Variants in KDM4B observed in about 807,000 individuals in gnomAD.
KDM4B encodes lysine demethylase 4B, also known as lysine-specific demethylase 4B.
KDM4B carries 32 observed loss-of-function variants against 125.2 expected under a neutral mutation model. The ratio of observed to expected loss-of-function variants is 0.26; its 90% CI spans 0.19 to 0.34. KDM4B has a LOEUF of 0.34. Ranked by LOEUF, KDM4B falls within the 10% of genes least tolerant of loss-of-function variation. KDM4B has a pLI of 1.00. For synonymous variants in KDM4B, 721 were observed against 677.9 expected, an observed-to-expected ratio of 1.06 and a Z score of -0.99; for missense variants, 1,190 against 1,577.7, an observed-to-expected ratio of 0.75 and a Z score of 4.16.
At position 4,997,667 on chromosome 19, in the gene KDM4B, G is replaced by C. The variant is rs1054120804; in HGVS notation, c.-108-18590G>C. On this transcript the variant is annotated intron_variant, in intron 1 of 22. Coordinates refer to ENST00000159111, the MANE Select transcript of KDM4B (RefSeq NM_015015.3). The surrounding 1 kb of genome is among the most constrained non-coding windows in gnomAD (Gnocchi z 4.2). ...GCTGGTCAGCCATGCCAGGCACTCA[G>C]AGTCATCCCTGCCTCCTCGAGTTGG... 1.3e-5 allele frequency among the ~76,000 whole-genome samples: 2 copies of C among 152,162 alleles called. No homozygotes were observed. Among genetic ancestry groups the C allele is most frequent in the African/African-American group, 4.8e-5 (2 of 41,428 alleles).
chr19:5,091,250 C>T lies in KDM4B; in HGVS notation c.918+8746C>T, dbSNP rs1277237485. Among the ~76,000 whole-genome samples, 5 of 152,298 alleles carry T rather than the reference C, an allele frequency of 3.3e-5. 1 individual carries two copies. Among genetic ancestry groups the T allele is most frequent in the Non-Finnish European group, 2.9e-5 (2 of 68,028 alleles). ...AGCGGCATCCCGAAACACCCTGCCA[C>T]GGGGAGAGTTGACTGAGGATTAAAC... On this transcript the variant is annotated intron_variant, in intron 9 of 22. Coordinates refer to ENST00000159111, the MANE Select transcript of KDM4B (RefSeq NM_015015.3).
In KDM4B at chr19:5,043,800, C is replaced by T. The variant is rs150635209; in HGVS notation, c.432+2549C>T. On this transcript the variant is annotated intron_variant, in intron 5 of 22. Transcript: ENST00000159111. ...TCGGAGTGGGGTGTCCACCTTATCC[C>T]GCGTGGTGTTTATCAGAGTGGGGTG... Among the ~76,000 whole-genome samples, 968 of 115,658 alleles carry T rather than the reference C, an allele frequency of 8.4e-3. 8 individuals carry two copies. The highest frequency in any genetic ancestry group is 0.051 in the Middle Eastern group (6 of 118). 75.9% of individuals were successfully genotyped at this position (115,658 alleles called of 152,430 possible). A position where few individuals can be genotyped will look rare whatever the true frequency, so the allele number is the denominator to read the frequency against.
chr19:4,969,254 G>A (rs1207990211), intron 1 of KDM4B, 24 bp downstream of exon 1: 1 of 147,366 alleles, frequency 6.8e-6, no homozygotes, highest in Non-Finnish European at 1.5e-5. Flanking sequence ...GAGGCCGCCC[G>A]GCCGTGTCCG....
At chr19:5,065,150 C>A (rs1021327084) in intron 6 of KDM4B, among the ~76,000 whole-genome samples, 5 of 152,226 alleles carry the variant, frequency 3.3e-5, no homozygotes, top group African/African-American at 4.8e-5. Flanking sequence ...ACAGGAGGGG[C>A]CACAGCGCCT....
intron 17 of KDM4B, 43 bp downstream of exon 17, chr19:5,137,719 C>T (rs1240457357): frequency 1.2e-5 from 18 of 1,531,948 alleles, no homozygotes; most frequent in Non-Finnish European, 1.6e-5. Context: ...CGGAGGGGAG[C>T]CTGCCCTGGG....
chr19:5,025,750 G>T (rs138826984), intron 2 of KDM4B, among the ~76,000 whole-genome samples: 1 of 152,212 alleles, frequency 6.6e-6, no homozygotes, highest in Non-Finnish European at 1.5e-5. Flanking sequence ...GCCCTGGACC[G>T]CCCAGAACTT....
chr19:5,113,291 A>G (rs1281788842), intron 10 of KDM4B: 2 of 151,882 alleles, frequency 1.3e-5, no homozygotes, highest in African/African-American at 2.4e-5. Context: ...TCCCAAGGAT[A>G]TAATTTTCTT....
chr19:5,111,930 C>T lies in KDM4B; in HGVS notation c.1115+1112C>T, dbSNP rs564316680. The stretch of plus-strand genomic sequence containing the variant: ...CATGATTTTTACATGCTACCAAATA[C>T]GATAATTTTTCTGTTTTGAGCCACT... On this transcript the variant is annotated intron_variant, in intron 10 of 22. Transcript: ENST00000159111. The T allele has an allele frequency of 1.8e-4, 126 of 706,146 alleles. 1 individual carries two copies. Among genetic ancestry groups the T allele is most frequent in the African/African-American group, 4.5e-4 (26 of 57,402 alleles). 43.7% of individuals were successfully genotyped at this position (706,146 alleles called of 1,614,324 possible).
At position 5,039,893 on chromosome 19, in the gene KDM4B, G is replaced by A. The variant is rs928022517; in HGVS notation, c.199G>A (p.Val67Met). 6.8e-6 allele frequency: 11 copies of A among 1,613,010 alleles called. No homozygotes were observed. The highest frequency in any genetic ancestry group is 9.3e-6 in the Non-Finnish European group (11 of 1,179,920). The change falls in exon 4 of 23, where the codon GTG (valine) becomes ATG (methionine). Residue 67 changes from valine (V) to methionine (M), a missense_variant. Physicochemically the swap from Val to Met is conservative, Grantham distance 21. This residue lies in a region of KDM4B where 139 missense variants were observed against 248.3 expected (regional missense o/e 0.56). Transcript: ENST00000159111. Reference protein sequence around the residue: ...RQTYDDIDDVVIPAPIQQVVT... With the variant: ...RQTYDDIDDVMIPAPIQQVVT... ...GACGTATGATGACATCGACGACGTG[G>A]TGATCCCGGCGCCCATCCAGCAGGT...
intron 7 of KDM4B, 40 bp from the exon 8 acceptor site, chr19:5,077,327 C>T (rs1242685379): frequency 6.4e-7 from 1 of 1,573,310 alleles, no homozygotes; most frequent in South Asian, 1.1e-5. Flanking sequence ...CCCCGGCCGG[C>T]TGTGGCCCAG....
chr19:5,048,285 G>T (rs967640876), intron 6 of KDM4B, among the ~76,000 whole-genome samples: 6 of 152,232 alleles, frequency 3.9e-5, no homozygotes, highest in African/African-American at 1.4e-4. Context: ...AGGCCGTGTG[G>T]GGGTGTGTGT....
In KDM4B at chr19:5,082,918, ATCTC is replaced by A. The variant is rs1296479830; in HGVS notation, c.918+419_918+422del. Among the ~76,000 whole-genome samples the A allele has an allele frequency of 6.6e-6, 1 of 152,022 alleles. No homozygotes were observed. The highest frequency in any genetic ancestry group is 1.5e-5 in the Non-Finnish European group (1 of 67,994). ...TCCTGGGGTTGGGTTGTTTGCTGAC[ATCTC>A]TCTCCTGGGGGCCGCTTGGCCAGGC... On this transcript the variant is annotated intron_variant, in intron 9 of 22. Transcript: ENST00000159111. This position sits in a 1 kb window ranked among gnomAD's most constrained non-coding sequence, Gnocchi z 5.4.
chr19:5,082,494 T>C lies in KDM4B; in HGVS notation c.908T>C (p.Val303Ala). 1 of 1,602,332 alleles carries C rather than the reference T, an allele frequency of 6.2e-7. No individual in the cohort carries two copies. The highest frequency in any genetic ancestry group is 8.5e-7 in the Non-Finnish European group (1 of 1,173,902). The change falls in exon 9 of 23, where the codon GTG becomes GCG. Residue 303 changes from valine to alanine, a missense_variant. Physicochemically the swap from Val to Ala is moderately conservative, Grantham distance 64. This residue lies in a region of KDM4B where 75 missense variants were observed against 218.2 expected (regional missense o/e 0.34). Transcript: ENST00000159111. This position sits in a 1 kb window ranked among gnomAD's most constrained non-coding sequence, Gnocchi z 5.4. The stretch of plus-strand genomic sequence containing the variant: ...CTGCGGTGGATTGACTACGGCAAAG[T>C]GGCCACTCAGGTAAAAGCTTGCCTG... ...ATLRWIDYGKVATQCTCRKDM... is the reference protein window; with the variant it reads ...ATLRWIDYGKAATQCTCRKDM...
intron 9 of KDM4B, among the ~76,000 whole-genome samples, chr19:5,083,777 A>G (rs1599581063): frequency 6.6e-6 from 1 of 152,180 alleles, no homozygotes; most frequent in Admixed American, 6.5e-5. Context: ...CGGGCTGGCC[A>G]GGGTGAGAGC....
chr19:5,047,362 G>T lies in KDM4B; in HGVS notation c.433-114G>T, dbSNP rs573337719. 9.2e-5 allele frequency: 85 copies of T among 927,226 alleles called. No homozygotes were observed. In the East Asian group the frequency reaches 2.1e-3, roughly 23 times the overall value. 57.4% of individuals were successfully genotyped at this position (927,226 alleles called of 1,614,324 possible). On this transcript the variant is annotated intron_variant, in intron 5 of 22. Coordinates refer to ENST00000159111, the MANE Select transcript of KDM4B (RefSeq NM_015015.3). ...CTGGGGGGGCCGCAGATACTGGGGT[G>T]GAGGAGGATGGGCAGCGACCCCTGG...
At chr19:5,144,632 C>A in intron 20 of KDM4B, 151 bp from the exon 21 acceptor site, 1 of 1,188,722 alleles carries the variant, frequency 8.4e-7, no homozygotes, top group Non-Finnish European at 1.2e-6. Context: ...AGCCAGGGCT[C>A]TGCACCGCCC....
intron 2 of KDM4B, among the ~76,000 whole-genome samples, chr19:5,017,427 A>G (rs1256597670): frequency 6.6e-6 from 1 of 152,190 alleles, no homozygotes; most frequent in Non-Finnish European, 1.5e-5. Flanking sequence ...AGAAGTGACT[A>G]GCTGGAACAG....
At chr19:5,147,529 G>A (rs951308327) in intron 21 of KDM4B, among the ~76,000 whole-genome samples, 2 of 152,122 alleles carry the variant, frequency 1.3e-5, no homozygotes, top group Non-Finnish European at 2.9e-5. Flanking sequence ...CAGAGCGCTT[G>A]AGCACAGGGG....
Position 5,109,493 on chromosome 19 carries a change from C to T in KDM4B, c.919-1129C>T, listed in dbSNP as rs565739191. Among the ~76,000 whole-genome samples the T allele has an allele frequency of 6.0e-4, 92 of 152,146 alleles. 1 individual carries two copies. The highest frequency in any genetic ancestry group is 1.1e-3 in the Non-Finnish European group (76 of 68,014). ...CTGGGAAGGGCTGAGGGCGTGAGAGCGGCAGGTCTGCCCGGCAGGCAGCTG... is the reference window on the plus strand; with the variant it reads ...CTGGGAAGGGCTGAGGGCGTGAGAGTGGCAGGTCTGCCCGGCAGGCAGCTG... On this transcript the variant is annotated intron_variant, in intron 9 of 22. Coordinates refer to ENST00000159111, the MANE Select transcript of KDM4B (RefSeq NM_015015.3).
Sources: gnomAD v4.1 joint callset for allele counts (sites outside exome capture counted in the v4.1 genomes callset) on GRCh38, gnomAD v4.1.1 for gene constraint, gnomAD v4.1.1 regional missense constraint, Gnocchi (gnomAD v3.1) non-coding constraint, MANE v1.5 for transcripts, NCBI Gene and HGNC (gene_info 2026-07-23, HGNC 2026-07-21) for gene names.